ASPRV1: variants seen among roughly 807,000 people sequenced by gnomAD.
ASPRV1 encodes the protein aspartic peptidase retroviral like 1.
Under a neutral mutation model 11.0 loss-of-function variants are expected in ASPRV1, and 7 were observed. The ratio of observed to expected loss-of-function variants is 0.64; its 90% CI spans 0.36 to 1.20. ASPRV1 has a LOEUF of 1.20. Ranked by LOEUF, ASPRV1 falls within the 50% of genes most tolerant of loss-of-function variation. ASPRV1 has a pLI of 0.02. For missense variants in ASPRV1, 299 were observed against 320.0 expected, an observed-to-expected ratio of 0.93 and a Z score of 0.50; for synonymous variants, 136 against 138.4, an observed-to-expected ratio of 0.98 and a Z score of 0.12.
chr2:70,069,162 T>G, the ASPRV1 span: 3 of 152,270 alleles, frequency 2.0e-5, no homozygotes, highest in Non-Finnish European at 4.4e-5. Flanking sequence ...CACAGCCTGC[T>G]GAGCCTCACA....
chr2:70,032,534 T>C, the ASPRV1 span, among the ~76,000 whole-genome samples: 23 of 151,506 alleles, frequency 1.5e-4, no homozygotes. Context: ...GGTATGCACC[T>C]GTAGTCTCAG....
At chr2:70,061,857 G>T in the ASPRV1 span, among the ~76,000 whole-genome samples, 30 of 151,750 alleles carry the variant, frequency 2.0e-4, no homozygotes, top group Admixed American at 1.8e-3. Flanking sequence ...TAGCTACTCT[G>T]CAGGCTGAGG....
At chr2:69,963,953 T>A (rs1192852642), upstream of ASPRV1, among the ~76,000 whole-genome samples, 1 of 152,150 alleles carries the variant, frequency 6.6e-6, no homozygotes, top group Non-Finnish European at 1.5e-5. Context: ...TTGTTAAATA[T>A]TCAGGAATTT....
the ASPRV1 span, among the ~76,000 whole-genome samples, chr2:69,973,154 T>C: frequency 6.6e-6 from 1 of 152,164 alleles, no homozygotes; most frequent in African/African-American, 2.4e-5. Context: ...GCTAATAATT[T>C]ACAAATAATA....
the ASPRV1 span, chr2:70,056,707 GTGT>G: frequency 7.6e-6 from 1 of 131,040 alleles, no homozygotes; most frequent in Non-Finnish European, 1.6e-5. Context: ...AATTTTATGT[GTGT>G]TTTTTTACAA....
At chr2:70,058,123 T>C in the ASPRV1 span, among the ~76,000 whole-genome samples, 1 of 152,186 alleles carries the variant, frequency 6.6e-6, no homozygotes, top group African/African-American at 2.4e-5. Context: ...GCTTTATCAG[T>C]ACCACAAGGA....
At chr2:70,081,084 A>C in the ASPRV1 span, 2 of 152,116 alleles carry the variant, frequency 1.3e-5, no homozygotes, top group Non-Finnish European at 2.9e-5. Flanking sequence ...CAACCCCAAC[A>C]CATTTCTTAC....
chr2:69,952,996 C>T, the ASPRV1 span, among the ~76,000 whole-genome samples: 1 of 152,266 alleles, frequency 6.6e-6, no homozygotes, highest in South Asian at 2.1e-4. Flanking sequence ...CTCCATCAGG[C>T]CTTCTGCCCT....
the ASPRV1 span, among the ~76,000 whole-genome samples, chr2:69,951,135 G>A: frequency 7.9e-5 from 12 of 151,788 alleles, no homozygotes; most frequent in East Asian, 3.9e-4. Flanking sequence ...TAAAATATGC[G>A]AGTGTGTGGC....
At chr2:69,984,321 G>A in the ASPRV1 span, among the ~76,000 whole-genome samples, 2 of 152,118 alleles carry the variant, frequency 1.3e-5, no homozygotes, top group African/African-American at 4.8e-5. Flanking sequence ...TTACAGGTGT[G>A]AGCCACCGCA....
the ASPRV1 span, chr2:69,988,755 G>A: frequency 6.6e-6 from 3 of 456,472 alleles, no homozygotes; most frequent in East Asian, 2.1e-4. Context: ...CTTCTGAGTT[G>A]CCCCAGACGA....
chr2:70,024,012 A>G, the ASPRV1 span, among the ~76,000 whole-genome samples: 1 of 151,584 alleles, frequency 6.6e-6, no homozygotes, highest in Non-Finnish European at 1.5e-5. Context: ...GCACTTTAGG[A>G]GGCGAGGACA....
chr2:69,961,956 C>A, upstream of ASPRV1: 1 of 399,282 alleles, frequency 2.5e-6, no homozygotes, highest in African/African-American at 2.0e-5. Flanking sequence ...AGGCAGGGAC[C>A]AGACGCCCAT....
chr2:69,937,612 T>TA, the ASPRV1 span, among the ~76,000 whole-genome samples: 1 of 152,292 alleles, frequency 6.6e-6, no homozygotes, highest in Admixed American at 6.5e-5. Context: ...GTTTTCAGCC[T>TA]AGTTTGTTTT....
the ASPRV1 span, among the ~76,000 whole-genome samples, chr2:70,037,175 G>A: frequency 6.6e-6 from 1 of 152,184 alleles, no homozygotes; most frequent in Non-Finnish European, 1.5e-5. Context: ...TCCCCTTCTA[G>A]AGGAGTGGCT....
the ASPRV1 span, among the ~76,000 whole-genome samples, chr2:70,067,864 T>C: frequency 6.6e-6 from 1 of 152,188 alleles, no homozygotes; most frequent in African/African-American, 2.4e-5. Context: ...AAAAATATCA[T>C]TTATTATATT....
chr2:70,037,767 T>C, the ASPRV1 span, among the ~76,000 whole-genome samples: 1 of 152,304 alleles, frequency 6.6e-6, no homozygotes, highest in East Asian at 1.9e-4. Context: ...CATTTTCCTT[T>C]ATAGTTTCTG....
the ASPRV1 span, among the ~76,000 whole-genome samples, chr2:70,058,010 G>A: frequency 6.6e-6 from 1 of 151,732 alleles, no homozygotes; most frequent in African/African-American, 2.4e-5. Context: ...GGCCAGGATG[G>A]TCTTGATCGT....
chr2:70,067,766 CCAATA>C, the ASPRV1 span, among the ~76,000 whole-genome samples: 1 of 152,014 alleles, frequency 6.6e-6, no homozygotes, highest in African/African-American at 2.4e-5. Flanking sequence ...TTCCAAATCA[CCAATA>C]CATTACCTCT....
Sources: gnomAD v4.1 joint callset for allele counts (sites outside exome capture counted in the v4.1 genomes callset) on GRCh38, gnomAD v4.1.1 for gene constraint, MANE v1.5 for transcripts, NCBI Gene and HGNC (gene_info 2026-07-23, HGNC 2026-07-21) for gene names.